The following TVP23B variants were observed in gnomAD, a reference collection of about 807,000 sequenced individuals.
TVP23B encodes the protein Golgi apparatus membrane protein TVP23 homolog B.
Under a neutral mutation model 30.6 loss-of-function variants are expected in TVP23B, and 10 were observed. The observed-to-expected ratio is 0.33, with a 90% CI of 0.20 to 0.55. The LOEUF (loss-of-function observed/expected upper bound fraction) is 0.55, where lower values mean the gene tolerates loss of function less well. TVP23B is among the 20% of genes least tolerant of loss of function. The pLI is 0.91. For missense variants in TVP23B, 153 were observed against 243.2 expected (o/e 0.63, Z 2.47); for synonymous variants, 67 against 83.1 (o/e 0.81, Z 1.06).
Position 18,804,357 on chromosome 17 carries a change from T to G in TVP23B, c.591+91T>G, listed in dbSNP as rs1012860482. On this transcript the variant is annotated intron_variant, in intron 6 of 6. Coordinates refer to ENST00000307767, the MANE Select transcript of TVP23B (RefSeq NM_016078.6). ...TATGAAACGCTCCTGAACAGAAGTTTTAAAGGCATATAGTTGTATAAATAT... is the reference window on the plus strand; with the variant it reads ...TATGAAACGCTCCTGAACAGAAGTTGTAAAGGCATATAGTTGTATAAATAT... 9.1e-6 allele frequency: 13 copies of G among 1,434,726 alleles called. 1 individual carries two copies. In the East Asian group the frequency reaches 3.2e-4, roughly 35 times the overall value. The allele number at this position is 1,434,726 out of a possible 1,614,324, so 88.9% of individuals were successfully genotyped here.
chr17:18,802,031 G>T (rs1297457788), intron 5 of TVP23B, among the ~76,000 whole-genome samples: 6 of 152,016 alleles, frequency 3.9e-5, no homozygotes, highest in Non-Finnish European at 8.8e-5. Context: ...GACCATCCTG[G>T]CTAACATGGT....
rs532921127 is a variant in TVP23B at position 18,798,817 on chromosome 17, C to T, written c.336C>T (p.Ser112=). 3.7e-6 allele frequency: 6 copies of T among 1,611,626 alleles called. No individual in the cohort carries two copies. The East Asian group carries it at 1.1e-4, about 30-fold the overall frequency. ...SHWVFESRKE[S]SQENKTVSEA... ...GAATTTATGTTCTTTTATAGGAGTC[C>T]TCTCAAGAGAATAAAACTGTGTCAG... Residue 112 remains serine (S), a synonymous_variant, in exon 5 of 7, where the codon TCC becomes TCT. Coordinates refer to ENST00000307767, the MANE Select transcript of TVP23B (RefSeq NM_016078.6).
intron 3 of TVP23B, among the ~76,000 whole-genome samples, chr17:18,793,651 A>G (rs1036595269): frequency 1.3e-5 from 2 of 151,936 alleles, no homozygotes; most frequent in Non-Finnish European, 2.9e-5. Context: ...CCAGTCGTGT[A>G]TCTTCTGCAA....
chr17:18,795,352 T>C (rs1394725767), intron 3 of TVP23B, among the ~76,000 whole-genome samples: 3 of 151,820 alleles, frequency 2.0e-5, no homozygotes, highest in African/African-American at 2.4e-5. Flanking sequence ...CTTTGAGTGT[T>C]CCCTTTCGTG....
intron 1 of TVP23B, among the ~76,000 whole-genome samples, chr17:18,783,604 G>A (rs1469818078): frequency 1.3e-5 from 2 of 152,112 alleles, no homozygotes; most frequent in Non-Finnish European, 2.9e-5. Context: ...GGAAGCCGTC[G>A]GAAGACAATT....
chr17:18,792,193 C>G (rs921711047), intron 3 of TVP23B, among the ~76,000 whole-genome samples: 8 of 151,938 alleles, frequency 5.3e-5, no homozygotes, highest in African/African-American at 1.2e-4. Flanking sequence ...ACCACCACGC[C>G]TGGCTAATTT....
intron 3 of TVP23B, among the ~76,000 whole-genome samples, chr17:18,794,829 T>C (rs2036050128): frequency 6.6e-6 from 1 of 151,370 alleles, no homozygotes; most frequent in South Asian, 2.1e-4. Context: ...CTCATAAGAC[T>C]CTTCCTTTTC....
At chr17:18,790,557 T>C (rs1024083499) in intron 2 of TVP23B, among the ~76,000 whole-genome samples, 1 of 152,140 alleles carries the variant, frequency 6.6e-6, no homozygotes, top group Admixed American at 6.5e-5. Flanking sequence ...AGGAATTCTT[T>C]TGGTGTGATT....
At position 18,782,683 on chromosome 17, in the gene TVP23B, G is replaced by A. The variant is rs2035826977; in HGVS notation, c.12+1378G>A. The A allele has an allele frequency of 2.6e-5, 4 of 152,250 alleles. 1 individual carries two copies. The highest frequency in any genetic ancestry group is 2.0e-4 in the Admixed American group (3 of 15,298). 9.4% of individuals were successfully genotyped at this position (152,250 alleles called of 1,614,324 possible). On this transcript the variant is annotated intron_variant, in intron 1 of 6. Transcript: ENST00000307767. ...TTAGTGGTATGGTTAACAAGGGGTG[G>A]ATTATTCATTCCTCCCCTTTTAGAT...
rs554077513 is a variant in TVP23B, at chr17:18,785,223, A to G, written c.12+3918A>G. Among the ~76,000 whole-genome samples the G allele has an allele frequency of 3.9e-5, 6 of 152,186 alleles. No homozygotes were observed. The East Asian group carries it at 1.2e-3, about 29-fold the overall frequency. ...TGCAGTCTTACACTTAAAACACTCC[A>G]ATGGATCTCCCTTTCAACGCTTTTT... On this transcript the variant is annotated intron_variant, in intron 1 of 6. Transcript: ENST00000307767.
intron 1 of TVP23B, chr17:18,782,552 G>C (rs1340970924): frequency 6.6e-6 from 1 of 152,008 alleles, no homozygotes; most frequent in East Asian, 1.9e-4. Flanking sequence ...AATTCAGGGT[G>C]AGTCCACAGT....
At chr17:18,803,339 A>G (rs924169309) in intron 5 of TVP23B, among the ~76,000 whole-genome samples, 1 of 152,238 alleles carries the variant, frequency 6.6e-6, no homozygotes, top group African/African-American at 2.4e-5. Flanking sequence ...GAGTAATTGC[A>G]ACAGAGACCG....
At chr17:18,798,982 A>G in intron 5 of TVP23B, 39 bp downstream of exon 5, 1 of 1,589,926 alleles carries the variant, frequency 6.3e-7, no homozygotes, top group South Asian at 1.1e-5. Flanking sequence ...ATCCATTAAG[A>G]TGTCTGATGG....
chr17:18,802,017 T>C (rs1486649992), intron 5 of TVP23B, among the ~76,000 whole-genome samples: 1 of 152,030 alleles, frequency 6.6e-6, no homozygotes, highest in Non-Finnish European at 1.5e-5. Flanking sequence ...GGTCAGGAGA[T>C]CGAGACCATC....
At chr17:18,784,506 G>T (rs1438851350) in intron 1 of TVP23B, among the ~76,000 whole-genome samples, 2 of 152,188 alleles carry the variant, frequency 1.3e-5, no homozygotes, top group East Asian at 3.9e-4. Flanking sequence ...TTACCTGGGG[G>T]TGGTGGCATG....
rs768283963 is a variant in TVP23B at position 18,789,483 on chromosome 17, CTGTA to C, written c.95+56_95+59del. The C allele has an allele frequency of 2.9e-5, 47 of 1,613,192 alleles. No individual in the cohort carries two copies. In the African/African-American group the frequency reaches 5.5e-4, roughly 19 times the overall value. ...AGCTGTGTTAGTGTCCAGTGCTGTT[CTGTA>C]TGTATGTCAGTGCTAGCTGATGGGA... On this transcript the variant is annotated intron_variant, in intron 2 of 6. Coordinates refer to ENST00000307767, the MANE Select transcript of TVP23B (RefSeq NM_016078.6).
chr17:18,797,500 G>A (rs2036093325), intron 3 of TVP23B, 79 bp from the exon 4 acceptor site: 10 of 1,600,232 alleles, frequency 6.2e-6, no homozygotes, highest in Non-Finnish European at 8.5e-6. Context: ...TTTGTGAAAT[G>A]TTACACTAAG....
rs1370839555 is a variant in TVP23B at position 18,804,161 on chromosome 17, G to A, written c.486G>A (p.Val162=). ...KWLAVVIMGV[V]LQGANLYGYI... is the part of the protein sequence containing the mutation. ...AGGCGGTGGTTATCATGGGTGTGGT[G>A]CTACAAGGTGCCAACCTGTATGGTT... The change falls in exon 6 of 7, where the codon GTG becomes GTA. Residue 162 remains valine (V), a synonymous_variant. Coordinates refer to ENST00000307767, the MANE Select transcript of TVP23B (RefSeq NM_016078.6). The A allele has an allele frequency of 1.9e-6, 3 of 1,613,864 alleles. No homozygotes were observed. Among genetic ancestry groups the A allele is most frequent in the Non-Finnish European group, 8.5e-7 (1 of 1,179,834 alleles).
intron 6 of TVP23B, among the ~76,000 whole-genome samples, 183 bp from the exon 7 acceptor site, chr17:18,805,358 A>G (rs1424805488): frequency 6.6e-6 from 1 of 152,094 alleles, no homozygotes; most frequent in African/African-American, 2.4e-5. Flanking sequence ...TGCTGGGATT[A>G]CAGGTGTAAG....
Sources: gnomAD v4.1 joint callset for allele counts (sites outside exome capture counted in the v4.1 genomes callset) on GRCh38, gnomAD v4.1.1 for gene constraint, MANE v1.5 for transcripts, NCBI Gene and HGNC (gene_info 2026-07-23, HGNC 2026-07-21) for gene names.